SRSF9: variants seen among roughly 807,000 people sequenced by gnomAD.
The protein encoded by SRSF9 is serine/arginine-rich splicing factor 9.
Under a neutral mutation model 25.9 loss-of-function variants are expected in SRSF9, and 3 were observed. The ratio of observed to expected loss-of-function variants is 0.12; its 90% CI spans 0.05 to 0.30. The LOEUF (loss-of-function observed/expected upper bound fraction) is 0.30, where lower values mean the gene tolerates loss of function less well. Among genes scored for constraint, SRSF9 ranks in the 10% least tolerant of loss-of-function variants. The pLI, the probability that SRSF9 is intolerant of heterozygous loss-of-function variation, is 1.00. For missense variants in SRSF9, 161 were observed against 303.5 expected (o/e 0.53, Z 3.49); for synonymous variants, 114 against 113.2 (o/e 1.01, Z -0.05).
chr12:120,466,454 G>A (rs1055864630), intron 1 of SRSF9, among the ~76,000 whole-genome samples: 3 of 152,150 alleles, frequency 2.0e-5, no homozygotes, highest in Non-Finnish European at 2.9e-5. Context: ...GGGTAATATA[G>A]TGAGACCCGG....
At chr12:120,463,857 T>A (rs1592991232) in intron 3 of SRSF9, 93 bp downstream of exon 3, 1 of 1,441,740 alleles carries the variant, frequency 6.9e-7, no homozygotes, top group African/African-American at 1.4e-5. Context: ...ACTGTGAGGT[T>A]ACCAAATGGC....
rs1341048758 is a variant in SRSF9 at position 120,469,681 on chromosome 12, A to T, written c.-72T>A. The T allele has an allele frequency of 2.0e-5, 20 of 1,021,256 alleles. No homozygotes were observed. Among genetic ancestry groups the T allele is most frequent in the Non-Finnish European group, 2.4e-5 (19 of 807,822 alleles). The allele number at this position is 1,021,256 out of a possible 1,614,324, so 63.3% of individuals were successfully genotyped here. On this transcript the variant is annotated 5_prime_UTR_variant, in exon 1 of 4. Transcript: ENST00000229390. Reference sequence around the variant, plus strand: ...GCCGCCTCAGCACGGGTCCCCCCGCAGCGTCCCCGCGGGCTCCGAGGCGCT... The same window carrying T: ...GCCGCCTCAGCACGGGTCCCCCCGCTGCGTCCCCGCGGGCTCCGAGGCGCT...
At chr12:120,466,937 AATTACTTT>A (rs1440513135) in intron 1 of SRSF9, among the ~76,000 whole-genome samples, 1 of 152,186 alleles carries the variant, frequency 6.6e-6, no homozygotes. Flanking sequence ...TATTCAATAA[AATTACTTT>A]AAGTCTTTCC....
chr12:120,464,126 G>A lies in SRSF9; in HGVS notation c.350-4C>T. 6.2e-7 allele frequency: 1 copy of A among 1,610,220 alleles called. No homozygotes were observed. Among genetic ancestry groups the A allele is most frequent in the Non-Finnish European group, 8.5e-7 (1 of 1,178,166 alleles). ...CAGCTGCCTGACGGAGGAAGTCCTAGGCATGGAGAACATAAGAAAGCCCAC... is the reference window on the plus strand; with the variant it reads ...CAGCTGCCTGACGGAGGAAGTCCTAAGCATGGAGAACATAAGAAAGCCCAC... On this transcript the variant is annotated splice_polypyrimidine_tract_variant and splice_region_variant and intron_variant, in intron 2 of 3. Transcript: ENST00000229390.
intron 3 of SRSF9, chr12:120,462,692 A>G (rs1878384333): frequency 6.6e-6 from 1 of 152,318 alleles, no homozygotes; most frequent in Admixed American, 6.5e-5. Context: ...CATTTTGCCC[A>G]TGAAGGAATC....
chr12:120,468,928 C>A (rs552958054), intron 1 of SRSF9, among the ~76,000 whole-genome samples: 1 of 151,940 alleles, frequency 6.6e-6, no homozygotes, highest in East Asian at 2.0e-4. Context: ...GGGCGGGGCG[C>A]GCGAACGGCG....
chr12:120,467,199 ACT>A (rs1878500414), intron 1 of SRSF9, among the ~76,000 whole-genome samples: 1 of 13,738 alleles, frequency 7.3e-5, no homozygotes, highest in Non-Finnish European at 1.2e-4. Flanking sequence ...GGTCAGAACA[ACT>A]CTGAATAAAA....
intron 3 of SRSF9, 200 bp downstream of exon 3, chr12:120,463,750 C>T (rs144718122): frequency 5.2e-4 from 283 of 544,030 alleles, no homozygotes; most frequent in African/African-American, 4.5e-3. Flanking sequence ...AAAAAACAAA[C>T]GTACCATGAA....
Position 120,465,520 on chromosome 12 carries a change from C to G in SRSF9, c.349+107G>C, listed in dbSNP as rs1878463053. 3 of 1,238,818 alleles carry G rather than the reference C, an allele frequency of 2.4e-6. No individual in the cohort carries two copies. In the South Asian group the frequency reaches 6.0e-5, roughly 25 times the overall value. The allele number at this position is 1,238,818 out of a possible 1,614,324, so 76.7% of individuals were successfully genotyped here. On this transcript the variant is annotated intron_variant, in intron 2 of 3. Coordinates refer to ENST00000229390, the MANE Select transcript of SRSF9 (RefSeq NM_003769.3). ...TTCACACAGGCTATTGAAAAGAAAG[C>G]CCCCGTGTCCCATGCACTGAAGAAT...
intron 1 of SRSF9, among the ~76,000 whole-genome samples, chr12:120,466,234 C>A (rs567901690): frequency 6.6e-6 from 1 of 152,152 alleles, no homozygotes; most frequent in Admixed American, 6.5e-5. Flanking sequence ...AGGCGGTTAG[C>A]CAGGCATGGT....
At chr12:120,465,507 A>G (rs1878462793) in intron 2 of SRSF9, 120 bp downstream of exon 2, 6 of 1,124,182 alleles carry the variant, frequency 5.3e-6, no homozygotes, top group Non-Finnish European at 7.1e-6. Context: ...CACACAGGCT[A>G]TTGAAAAGAA....
rs2137048234 is a variant in SRSF9 at position 120,461,995 on chromosome 12, A to G, written c.*24T>C. On this transcript the variant is annotated 3_prime_UTR_variant, in exon 4 of 4. Transcript: ENST00000229390. ...AGCAGCTCAGTTAACCTAAAAAATA[A>G]AGAAAAAATTCCCATCACCTGTCTC... The G allele has an allele frequency of 2.5e-6, 4 of 1,586,854 alleles. No homozygotes were observed. The East Asian group carries it at 6.8e-5, about 27-fold the overall frequency.
In SRSF9 at chr12:120,461,707, G is replaced by A. The variant is rs1046396799; in HGVS notation, c.*312C>T. Reference sequence around the variant, plus strand: ...TTTAAAATATATTTCTAAACAGAATGGGCCGACTCAGTCACAGTAACTGTT... The same window carrying A: ...TTTAAAATATATTTCTAAACAGAATAGGCCGACTCAGTCACAGTAACTGTT... On this transcript the variant is annotated 3_prime_UTR_variant, in exon 4 of 4. Coordinates refer to ENST00000229390, the MANE Select transcript of SRSF9 (RefSeq NM_003769.3). 2 of 203,156 alleles carry A rather than the reference G, an allele frequency of 9.8e-6. No homozygotes were observed. The highest frequency in any genetic ancestry group is 2.3e-5 in the African/African-American group (1 of 43,236). 12.6% of individuals were successfully genotyped at this position (203,156 alleles called of 1,614,324 possible). A position where few individuals can be genotyped will look rare whatever the true frequency, so the allele number is the denominator to read the frequency against.
At position 120,464,130 on chromosome 12, in the gene SRSF9, T is replaced by G; in HGVS notation, c.350-8A>C. 1 of 1,609,740 alleles carries G rather than the reference T, an allele frequency of 6.2e-7. No individual in the cohort carries two copies. Among genetic ancestry groups the G allele is most frequent in the Non-Finnish European group, 8.5e-7 (1 of 1,177,878 alleles). The stretch of plus-strand genomic sequence containing the variant: ...TGCCTGACGGAGGAAGTCCTAGGCA[T>G]GGAGAACATAAGAAAGCCCACATCC... On this transcript the variant is annotated splice_polypyrimidine_tract_variant and splice_region_variant and intron_variant, in intron 2 of 3. Transcript: ENST00000229390.
intron 1 of SRSF9, among the ~76,000 whole-genome samples, chr12:120,466,876 T>C (rs1382470292): frequency 2.0e-5 from 3 of 152,204 alleles, no homozygotes; most frequent in African/African-American, 7.2e-5. Flanking sequence ...TTTGGAGAAC[T>C]ATTTTTGTCA....
chr12:120,465,392 G>A (rs1280828362), intron 2 of SRSF9: 3 of 367,566 alleles, frequency 8.2e-6, no homozygotes, highest in Admixed American at 9.6e-5. Context: ...CTCACCACTA[G>A]AAAACTCCTT....
At chr12:120,462,229 C>T in intron 3 of SRSF9, 67 bp from the exon 4 acceptor site, 1 of 1,493,610 alleles carries the variant, frequency 6.7e-7, no homozygotes, top group Non-Finnish European at 9.1e-7. Context: ...ATAAGCAAAC[C>T]AACATCTAAC....
At chr12:120,468,441 T>C (rs542023200) in intron 1 of SRSF9, among the ~76,000 whole-genome samples, 61 of 152,182 alleles carry the variant, frequency 4.0e-4, no homozygotes, top group African/African-American at 1.4e-3. Flanking sequence ...AATGAGGAGA[T>C]ACTAGGGATG....
chr12:120,466,354 G>C (rs987174311), intron 1 of SRSF9, among the ~76,000 whole-genome samples: 1 of 151,578 alleles, frequency 6.6e-6, no homozygotes, highest in South Asian at 2.1e-4. Context: ...CCAAAAAACA[G>C]GAAAAAAAAA....
Sources: allele counts gnomAD v4.1 joint callset (sites outside exome capture counted in the v4.1 genomes callset), GRCh38; gene constraint gnomAD v4.1.1; transcripts MANE v1.5; gene names NCBI Gene and HGNC (gene_info 2026-07-23, HGNC 2026-07-21).